FAF1: variants seen among roughly 807,000 people sequenced by gnomAD.
FAF1 encodes Fas associated factor 1.
In FAF1, 25 loss-of-function variants were observed where a neutral mutation model predicts 92.5. The ratio of observed to expected loss-of-function variants is 0.27; its 90% CI spans 0.20 to 0.38. The LOEUF (loss-of-function observed/expected upper bound fraction) is 0.38. Among genes scored for constraint, FAF1 ranks in the 10% least tolerant of loss-of-function variants. The pLI is 1.00. For synonymous variants in FAF1, 234 were observed against 273.2 expected, an observed-to-expected ratio of 0.86 and a Z score of 1.42; for missense variants, 636 against 793.3, an observed-to-expected ratio of 0.80 and a Z score of 2.38.
chr1:50,925,757 G>A (rs912437116), intron 1 of FAF1, among the ~76,000 whole-genome samples: 2 of 152,124 alleles, frequency 1.3e-5, no homozygotes, highest in African/African-American at 4.8e-5. Context: ...TTTATCCAAA[G>A]GAAAGGAAAT....
At chr1:50,828,703 A>G (rs550707540) in intron 2 of FAF1, among the ~76,000 whole-genome samples, 1 of 152,242 alleles carries the variant, frequency 6.6e-6, no homozygotes, top group African/African-American at 2.4e-5. Context: ...GGTAAAAACA[A>G]TGCTTCTAAA....
At chr1:50,683,328 A>T (rs1388154809) in intron 7 of FAF1, among the ~76,000 whole-genome samples, 1 of 151,882 alleles carries the variant, frequency 6.6e-6, no homozygotes, top group South Asian at 2.1e-4. Context: ...GGAGTTTGAG[A>T]CCAGACTGGC....
At chr1:50,931,884 AAATAAATAATAATAATAATAAT>A (rs1156642265) in intron 1 of FAF1, among the ~76,000 whole-genome samples, 1 of 65,352 alleles carries the variant, frequency 1.5e-5, no homozygotes, top group African/African-American at 4.9e-5. Flanking sequence ...AAAAATAAAT[AAATAAATAATAATAATAATAAT>A]AATAATAATA....
rs116927128 is a variant in FAF1, at chr1:50,516,040, T to C, written c.1494+19329A>G. On this transcript the variant is annotated intron_variant, in intron 15 of 18. Transcript: ENST00000396153. The stretch of plus-strand genomic sequence containing the variant: ...TAAGCACTTTACATGTATCAACTGA[T>C]TTAATCTTCACAACAATCTTATCAA... Among the ~76,000 whole-genome samples, 10 of 152,260 alleles carry C rather than the reference T, an allele frequency of 6.6e-5. No individual in the cohort carries two copies. The East Asian group carries it at 1.9e-3, about 29-fold the overall frequency.
intron 7 of FAF1, among the ~76,000 whole-genome samples, chr1:50,679,114 TGCCAGATCTTTTATCTACCAA>T: frequency 6.6e-6 from 1 of 152,114 alleles, no homozygotes; most frequent in African/African-American, 2.4e-5. Context: ...CATTTTTCTG[TGCCAGATCTTTTATCTACCAA>T]ACATGACAAT....
chr1:50,731,113 G>A (rs1260633284), intron 6 of FAF1, among the ~76,000 whole-genome samples: 2 of 152,156 alleles, frequency 1.3e-5, no homozygotes, highest in African/African-American at 4.8e-5. Context: ...AATTGGACAC[G>A]AGCTAGACAA....
intron 1 of FAF1, among the ~76,000 whole-genome samples, chr1:50,953,206 A>T (rs1472625895): frequency 6.6e-6 from 1 of 152,068 alleles, no homozygotes; most frequent in Non-Finnish European, 1.5e-5. Context: ...ATGCTCCTTA[A>T]GAGTCATCAC....
chr1:50,657,487 A>G (rs1332828555), intron 7 of FAF1, among the ~76,000 whole-genome samples: 1 of 152,052 alleles, frequency 6.6e-6, no homozygotes, highest in Non-Finnish European at 1.5e-5. Context: ...AGTTGAGCCC[A>G]GCAGATAGAG....
intron 4 of FAF1, among the ~76,000 whole-genome samples, chr1:50,759,135 CTTTTA>C (rs939402171): frequency 1.2e-4 from 18 of 152,120 alleles, no homozygotes; most frequent in South Asian, 6.2e-4. Flanking sequence ...TTAAATCTCT[CTTTTA>C]TTTTAATTTT....
intron 3 of FAF1, among the ~76,000 whole-genome samples, chr1:50,792,537 T>A (rs1477644194): frequency 6.6e-6 from 1 of 152,200 alleles, no homozygotes; most frequent in Non-Finnish European, 1.5e-5. Context: ...AGAGTCCACA[T>A]TTCATGAGGA....
intron 2 of FAF1, among the ~76,000 whole-genome samples, chr1:50,819,718 TATATATATATACATATATATAC>T (rs1377710691): frequency 0.059 from 1,342 of 22,920 alleles, 152 homozygotes; most frequent in Middle Eastern, 0.062. Flanking sequence ...TATATATACG[TATATATATATACATATATATAC>T]ATATATATAT....
intron 1 of FAF1, among the ~76,000 whole-genome samples, chr1:50,877,120 C>G (rs1435837914): frequency 6.6e-6 from 1 of 152,184 alleles, no homozygotes; most frequent in African/African-American, 2.4e-5. Context: ...TAACTTCCTT[C>G]CCAAGGGCGA....
chr1:50,718,024 T>C (rs1179712331), intron 6 of FAF1, among the ~76,000 whole-genome samples: 2 of 150,890 alleles, frequency 1.3e-5, no homozygotes, highest in African/African-American at 2.4e-5. Context: ...TATTTATTTA[T>C]TTATTTATTT....
At chr1:50,622,831 T>C (rs1283264118) in intron 8 of FAF1, among the ~76,000 whole-genome samples, 1 of 152,146 alleles carries the variant, frequency 6.6e-6, no homozygotes, top group Non-Finnish European at 1.5e-5. Context: ...TGGAGAACGT[T>C]TGATAGTATA....
At chr1:50,761,607 A>G (rs1468834902) in intron 4 of FAF1, among the ~76,000 whole-genome samples, 1 of 152,236 alleles carries the variant, frequency 6.6e-6, no homozygotes, top group African/African-American at 2.4e-5. Flanking sequence ...ATCTCAGTAG[A>G]TGCAGAAAAA....
intron 15 of FAF1, among the ~76,000 whole-genome samples, chr1:50,500,578 A>G (rs1646971906): frequency 6.6e-6 from 1 of 152,202 alleles, no homozygotes; most frequent in South Asian, 2.1e-4. Flanking sequence ...TAAAGGAAAC[A>G]TAGGAGAAAA....
chr1:50,765,503 A>G (rs1660530992), intron 4 of FAF1, among the ~76,000 whole-genome samples: 2 of 152,206 alleles, frequency 1.3e-5, no homozygotes, highest in African/African-American at 4.8e-5. Context: ...GGCTATTAAT[A>G]TAGTCCAATT....
chr1:50,524,952 C>A (rs1647716391), intron 15 of FAF1, among the ~76,000 whole-genome samples: 1 of 151,816 alleles, frequency 6.6e-6, no homozygotes, highest in Non-Finnish European at 1.5e-5. Flanking sequence ...GTGGTGAGAT[C>A]TTGGCTCACT....
At chr1:50,610,645 C>T (rs1019156258) in intron 8 of FAF1, among the ~76,000 whole-genome samples, 9 of 152,064 alleles carry the variant, frequency 5.9e-5, no homozygotes, top group African/African-American at 9.6e-5. Flanking sequence ...CACAAAGTGT[C>T]GCTGAGATAA....
Sources: gnomAD v4.1 joint callset for allele counts (sites outside exome capture counted in the v4.1 genomes callset) on GRCh38, gnomAD v4.1.1 for gene constraint, MANE v1.5 for transcripts, NCBI Gene and HGNC (gene_info 2026-07-23, HGNC 2026-07-21) for gene names.